The following KRT73 variants were observed in gnomAD, a reference collection of about 807,000 sequenced individuals.
KRT73 encodes keratin, type II cytoskeletal 73.
A neutral mutation model predicts 47.2 loss-of-function variants in KRT73; 44 were observed. The observed-to-expected ratio is 0.93, with a 90% CI of 0.73 to 1.20. The LOEUF is 1.20. Among genes scored for constraint, KRT73 ranks in the 50% most tolerant of loss-of-function variants. The pLI, the probability that KRT73 is intolerant of heterozygous loss-of-function variation, is 0.00. For missense variants in KRT73, 713 were observed against 704.5 expected (o/e 1.01, Z -0.14); for synonymous variants, 285 against 291.3 (o/e 0.98, Z 0.22).
rs951426609 is a variant in KRT73, at chr12:52,607,889, C to G, written c.*307G>C. The G allele has an allele frequency of 3.3e-6, 1 of 300,884 alleles. No individual in the cohort carries two copies. Among genetic ancestry groups the G allele is most frequent in the African/African-American group, 2.2e-5 (1 of 46,188 alleles). The allele number at this position is 300,884 out of a possible 1,614,324, so 18.6% of individuals were successfully genotyped here. ...GCAGCACAGGCAGATTGGGGTTACC[C>G]TTGAGAGACAGCCTTCCTCTGCACA... On this transcript the variant is annotated 3_prime_UTR_variant, in exon 9 of 9. Transcript: ENST00000305748.
the KRT73 span, among the ~76,000 whole-genome samples, chr12:52,625,128 T>C: frequency 3.9e-5 from 6 of 152,158 alleles, no homozygotes; most frequent in African/African-American, 1.2e-4. Flanking sequence ...GCATAATCCA[T>C]ATAAGGAAAA....
At chr12:52,626,006 A>T in the KRT73 span, among the ~76,000 whole-genome samples, 1 of 150,922 alleles carries the variant, frequency 6.6e-6, no homozygotes, top group Non-Finnish European at 1.5e-5. Context: ...AAACAGTGTC[A>T]CAGGAGAGAA....
At chr12:52,621,374 T>C (rs555659217), upstream of KRT73, among the ~76,000 whole-genome samples, 1 of 152,072 alleles carries the variant, frequency 6.6e-6, no homozygotes, top group African/African-American at 2.4e-5. Flanking sequence ...CAAATAAATA[T>C]TGTGAAATCA....
chr12:52,610,902 C>T (rs1940687509), intron 6 of KRT73, 67 bp from the exon 7 acceptor site: 4 of 1,361,824 alleles, frequency 2.9e-6, no homozygotes, highest in African/African-American at 1.4e-5. Flanking sequence ...CTCCCATGCT[C>T]TCAATGGTTG....
In KRT73 at chr12:52,608,513, C is replaced by A; in HGVS notation, c.1367-61G>T. ...TCCCAGGACAGAGGTGGCCTTAAGT[C>A]CCCCTCCAACCTCCCAGCCCCACTA... On this transcript the variant is annotated intron_variant, in intron 8 of 8. Coordinates refer to ENST00000305748, the MANE Select transcript of KRT73 (RefSeq NM_175068.3). The A allele has an allele frequency of 2.1e-6, 3 of 1,429,266 alleles. No homozygotes were observed. The East Asian group carries it at 7.3e-5, about 35-fold the overall frequency. The allele number at this position is 1,429,266 out of a possible 1,614,324, so 88.5% of individuals were successfully genotyped here. A position where few individuals can be genotyped will look rare whatever the true frequency, so the allele number is the denominator to read the frequency against.
chr12:52,616,205 A>C lies in KRT73; in HGVS notation c.623T>G (p.Leu208Arg). 6.2e-7 allele frequency: 1 copy of C among 1,614,024 alleles called. No individual in the cohort carries two copies. The highest frequency in any genetic ancestry group is 8.5e-7 in the Non-Finnish European group (1 of 1,179,990). ...SGDRVRLDSE[L>R]RSVREVVEDY... ...CTCCACCACTTCGCGCACGCTCCTC[A>C]GCTCCGAGTCCAGCCTCACCCTGTC... The change falls in exon 2 of 9, where the codon CTG becomes CGG. Residue 208 changes from leucine to arginine, a missense_variant. Leu to Arg is a moderately radical substitution (Grantham distance 102). Transcript: ENST00000305748.
In KRT73 at chr12:52,609,272, TC is replaced by T; in HGVS notation, c.1340del (p.Gly447GlufsTer7). ...AAATGCTCACGGAGTTGGTATATTC[TC>T]CGGACATCCTGCAAGAGAGAAAAGC... ...LLEGEECRMSGEYTNSVSISV... is the reference protein window; with the variant it reads ...LLEGEECRMSXEYTNSVSISV... On this transcript the variant is annotated frameshift_variant, in exon 8 of 9. Coordinates refer to ENST00000305748, the MANE Select transcript of KRT73 (RefSeq NM_175068.3). LOFTEE classifies it low-confidence loss of function (END_TRUNC). 6.2e-7 allele frequency: 1 copy of T among 1,613,638 alleles called. No individual in the cohort carries two copies. Among genetic ancestry groups the T allele is most frequent in the South Asian group, 1.1e-5 (1 of 91,038 alleles).
At position 52,608,307 on chromosome 12, in the gene KRT73, G is replaced by T; in HGVS notation, c.1512C>A (p.Asn504Lys). 6.2e-7 allele frequency: 1 copy of T among 1,614,016 alleles called. No homozygotes were observed. Residue 504 changes from asparagine to lysine, a missense_variant, in exon 9 of 9, where the codon AAC becomes AAA. Physicochemically the swap from Asn to Lys is moderately conservative, Grantham distance 94. Transcript: ENST00000305748. ...LPGGCVTGSG[N>K]CSPRGEARTR... ...TCCTGGCTTCCCCACGGGGGCTACA[G>T]TTCCCACTGCCAGTGACACAGCCCC...
At chr12:52,621,606 T>A (rs1247724611), upstream of KRT73, among the ~76,000 whole-genome samples, 1 of 152,106 alleles carries the variant, frequency 6.6e-6, no homozygotes, top group Non-Finnish European at 1.5e-5. Context: ...AGGCTCAGAT[T>A]TTTAAAGATT....
intron 5 of KRT73, chr12:52,613,283 T>TA (rs1315082312): frequency 6.3e-6 from 1 of 159,228 alleles, no homozygotes; most frequent in African/African-American, 2.4e-5. Context: ...AGGTAGAAAT[T>TA]ACTTGATTCC....
At chr12:52,620,384 G>A (rs934441450), upstream of KRT73, among the ~76,000 whole-genome samples, 8 of 152,108 alleles carry the variant, frequency 5.3e-5, no homozygotes, top group Admixed American at 6.5e-5. Context: ...GATTACAGGC[G>A]TGAGCCACCG....
At chr12:52,628,895 G>A in the KRT73 span, among the ~76,000 whole-genome samples, 1 of 152,240 alleles carries the variant, frequency 6.6e-6, no homozygotes, top group African/African-American at 2.4e-5. Flanking sequence ...CAGGCAGACA[G>A]ATACCAGGAG....
chr12:52,615,226 T>C, intron 3 of KRT73, 53 bp downstream of exon 3: 2 of 1,496,144 alleles, frequency 1.3e-6, no homozygotes, highest in Middle Eastern at 1.7e-4. Flanking sequence ...TCCTCTCTCT[T>C]AGCCCAGCAC....
At chr12:52,620,102 T>C (rs1028779228), upstream of KRT73, among the ~76,000 whole-genome samples, 9 of 129,420 alleles carry the variant, frequency 7.0e-5, no homozygotes, top group African/African-American at 2.9e-4. Flanking sequence ...GTTCTATTCC[T>C]TTTTTTCTTT....
At position 52,614,585 on chromosome 12, in the gene KRT73, G is replaced by A. The variant is rs147255785; in HGVS notation, c.813C>T (p.Tyr271=). 230 of 1,613,454 alleles carry A rather than the reference G, an allele frequency of 1.4e-4. 1 individual carries two copies. The East Asian group carries it at 3.4e-3, about 24-fold the overall frequency. The change falls in exon 4 of 9, where the codon TAC becomes TAT. Residue 271 remains tyrosine, a synonymous_variant. Transcript: ENST00000305748. ...DGEIKFFKCL[Y]EGETAQIQSH... ...GGGGCAGGGGGAGCCTTACCCCCTC[G>A]TACAGACACTTGAAGAACTTGATTT...
chr12:52,612,683 C>T (rs1940727163), intron 5 of KRT73: 1 of 152,206 alleles, frequency 6.6e-6, no homozygotes, highest in Non-Finnish European at 1.5e-5. Context: ...ATCTTCCTGC[C>T]ACTCCTCTGT....
At chr12:52,617,854 C>A (rs1332832256) in intron 1 of KRT73, among the ~76,000 whole-genome samples, 1 of 152,192 alleles carries the variant, frequency 6.6e-6, no homozygotes, top group African/African-American at 2.4e-5. Flanking sequence ...ACAGGGAGCA[C>A]CCCAAGGACA....
At position 52,613,769 on chromosome 12, in the gene KRT73, G is replaced by T. The variant is rs1326084753; in HGVS notation, c.903C>A (p.Ser301Arg). 1 of 1,614,206 alleles carries T rather than the reference G, an allele frequency of 6.2e-7. No individual in the cohort carries two copies. Residue 301 changes from serine (S) to arginine (R), a missense_variant, in exon 5 of 9, where the codon AGC (serine) becomes AGA (arginine). Coordinates refer to ENST00000305748, the MANE Select transcript of KRT73 (RefSeq NM_175068.3). Reference sequence around the variant, plus strand: ...ACTGGGCACGGACCTCAGCAATGATGCTGTCCAGGTCCAGGTTCCGGTTGT... The same window carrying T: ...ACTGGGCACGGACCTCAGCAATGATTCTGTCCAGGTCCAGGTTCCGGTTGT... The part of the protein sequence containing the change: ...MDNNRNLDLD[S>R]IIAEVRAQYE...
chr12:52,609,913 T>TA (rs1565627983), intron 7 of KRT73: 1 of 153,132 alleles, frequency 6.5e-6, no homozygotes, highest in African/African-American at 2.4e-5. Flanking sequence ...AAAGTAGCAG[T>TA]AAAAATAAAT....
Sources: gnomAD v4.1 joint callset for allele counts (sites outside exome capture counted in the v4.1 genomes callset) on GRCh38, gnomAD v4.1.1 for gene constraint, MANE v1.5 for transcripts, NCBI Gene and HGNC (gene_info 2026-07-23, HGNC 2026-07-21) for gene names.